The following ADAP2 variants were observed in gnomAD, a reference collection of about 807,000 sequenced individuals.
The protein encoded by ADAP2 is ArfGAP with dual PH domains 2.
Under a neutral mutation model 54.9 loss-of-function variants are expected in ADAP2, and 42 were observed. The observed-to-expected ratio is 0.77, with a 90% CI of 0.60 to 0.99. The LOEUF (loss-of-function observed/expected upper bound fraction) is 0.99. Ranked by LOEUF, ADAP2 falls within the 50% of genes least tolerant of loss-of-function variation. The pLI is 0.00. For synonymous variants in ADAP2, 177 were observed against 180.1 expected (o/e 0.98, Z 0.14); for missense variants, 429 against 480.4 (o/e 0.89, Z 1.00).
intron 8 of ADAP2, chr17:30,954,215 G>T: frequency 2.8e-6 from 1 of 352,234 alleles, no homozygotes; most frequent in Admixed American, 4.1e-5. Flanking sequence ...TGAAAAAGAG[G>T]AAGGTGCCTC....
At chr17:30,939,151 G>A (rs753991644) in intron 5 of ADAP2, among the ~76,000 whole-genome samples, 12 of 152,060 alleles carry the variant, frequency 7.9e-5, no homozygotes, top group African/African-American at 1.4e-4. Context: ...ACAAAAGGCC[G>A]GAAGAGAAAG....
chr17:30,929,787 C>A (rs895136594), intron 3 of ADAP2, among the ~76,000 whole-genome samples: 7 of 152,340 alleles, frequency 4.6e-5, no homozygotes, highest in African/African-American at 7.2e-5. Flanking sequence ...GCCCCAACCT[C>A]CTCGGCTCAA....
chr17:30,939,164 C>T (rs1233977623), intron 5 of ADAP2, among the ~76,000 whole-genome samples: 2 of 152,094 alleles, frequency 1.3e-5, no homozygotes, highest in African/African-American at 4.8e-5. Flanking sequence ...AGAGAAAGCG[C>T]TACTGCAGTT....
At chr17:30,956,801 C>G (rs535455613) in intron 10 of ADAP2, 1 of 290,154 alleles carries the variant, frequency 3.4e-6, no homozygotes, top group East Asian at 7.1e-5. Flanking sequence ...TATGCTGATC[C>G]TTTTTCTCGT....
intron 5 of ADAP2, among the ~76,000 whole-genome samples, chr17:30,939,415 T>A (rs1912098472): frequency 1.5e-5 from 2 of 132,730 alleles, no homozygotes; most frequent in African/African-American, 2.9e-5. Context: ...GGAAATGAAG[T>A]ATAAAGAAAG....
rs182570621 is a variant in ADAP2, at chr17:30,925,259, G to A, written c.226-1568G>A. 7.0e-3 allele frequency among the ~76,000 whole-genome samples: 1,002 copies of A among 142,210 alleles called. 9 individuals are homozygous for A. The highest frequency in any genetic ancestry group is 0.012 in the Non-Finnish European group (782 of 66,900). 93.3% of individuals were successfully genotyped at this position (142,210 alleles called of 152,430 possible). A position where few individuals can be genotyped will look rare whatever the true frequency, so the allele number is the denominator to read the frequency against. Reference sequence around the variant, plus strand: ...GGAGTGCAGTGAGTGGCACGATCTCGGCTCACTGCAACCTCCACCTCCTGG... The same window carrying A: ...GGAGTGCAGTGAGTGGCACGATCTCAGCTCACTGCAACCTCCACCTCCTGG... On this transcript the variant is annotated intron_variant, in intron 2 of 10. Coordinates refer to ENST00000330889, the MANE Select transcript of ADAP2 (RefSeq NM_018404.3).
Position 30,921,991 on chromosome 17 carries a change from C to G in ADAP2, c.-24C>G. ...GGAGCGCACGGGCCATGGGCTGAGC[C>G]CCGCTGAGCCCGCCGGGCCGGCCAT... On this transcript the variant is annotated 5_prime_UTR_variant, in exon 1 of 11. Transcript: ENST00000330889. 7.9e-7 allele frequency: 1 copy of G among 1,261,046 alleles called. No individual in the cohort carries two copies. 78.1% of individuals were successfully genotyped at this position (1,261,046 alleles called of 1,614,324 possible).
Position 30,956,231 on chromosome 17 carries a change from C to G in ADAP2, c.883-10C>G. The G allele has an allele frequency of 6.2e-7, 1 of 1,613,852 alleles. No individual in the cohort carries two copies. Among genetic ancestry groups the G allele is most frequent in the Middle Eastern group, 1.7e-4 (1 of 6,060 alleles). On this transcript the variant is annotated splice_polypyrimidine_tract_variant and intron_variant, in intron 9 of 10. Transcript: ENST00000330889. ...GCACCCTCTGATGACCCTGTACTCT[C>G]CATTTTCAGGATGCCTTCGAGCAGG...
At chr17:30,942,197 C>T (rs1027790288) in intron 5 of ADAP2, among the ~76,000 whole-genome samples, 4 of 152,158 alleles carry the variant, frequency 2.6e-5, no homozygotes, top group Non-Finnish European at 5.9e-5. Context: ...AGCCACAGTG[C>T]CCGGCCCAAA....
chr17:30,946,120 A>C (rs546422215), intron 6 of ADAP2, among the ~76,000 whole-genome samples: 2 of 151,872 alleles, frequency 1.3e-5, no homozygotes, highest in South Asian at 4.2e-4. Flanking sequence ...GCGCCACTGC[A>C]CTCCAGCCTG....
intron 7 of ADAP2, among the ~76,000 whole-genome samples, chr17:30,953,028 C>A (rs1391764417): frequency 6.6e-6 from 1 of 152,130 alleles, no homozygotes; most frequent in Non-Finnish European, 1.5e-5. Flanking sequence ...TTGCCTATGT[C>A]CACACCCTGG....
At position 30,934,267 on chromosome 17, in the gene ADAP2, A is replaced by G. The variant is rs1567717646; in HGVS notation, c.480A>G (p.Glu160=). ...GGAAGTTTGTACTTCTGGCAAGAGA[A>G]GGCCTCCTGAAGTACTTCACAAAGG... The part of the protein sequence containing the change: ...LRRKFVLLAR[E]GLLKYFTKEQ... The change falls in exon 5 of 11, where the codon GAA becomes GAG. Residue 160 remains glutamate, a synonymous_variant. Coordinates refer to ENST00000330889, the MANE Select transcript of ADAP2 (RefSeq NM_018404.3). The G allele has an allele frequency of 6.2e-7, 1 of 1,614,046 alleles. No individual in the cohort carries two copies. Among genetic ancestry groups the G allele is most frequent in the Admixed American group, 1.7e-5 (1 of 60,004 alleles).
In ADAP2 at chr17:30,922,068, G is replaced by C. The variant is rs2232270; in HGVS notation, c.54G>C (p.Pro18=). 2 of 1,270,802 alleles carry C rather than the reference G, an allele frequency of 1.6e-6. No homozygotes were observed. Among genetic ancestry groups the C allele is most frequent in the South Asian group, 2.9e-5 (1 of 34,882 alleles). The allele number at this position is 1,270,802 out of a possible 1,614,324, so 78.7% of individuals were successfully genotyped here. A position where few individuals can be genotyped will look rare whatever the true frequency, so the allele number is the denominator to read the frequency against. The change falls in exon 1 of 11, where the codon CCG becomes CCC. Residue 18 remains proline, a synonymous_variant. Transcript: ENST00000330889. ...KKRLLELLRA[P]DTGNAHCADC... ...GGCTGCTGGAGCTGCTGCGGGCGCCGGACACAGGCAACGCGCACTGCGCCG... is the reference window on the plus strand; with the variant it reads ...GGCTGCTGGAGCTGCTGCGGGCGCCCGACACAGGCAACGCGCACTGCGCCG...
At chr17:30,957,123 A>C (rs570298781) in intron 10 of ADAP2, among the ~76,000 whole-genome samples, 1 of 152,328 alleles carries the variant, frequency 6.6e-6, no homozygotes, top group Admixed American at 6.5e-5. Flanking sequence ...TGACCCCCGC[A>C]CAGCCCCTTG....
chr17:30,922,828 G>A, intron 1 of ADAP2, 112 bp from the exon 2 acceptor site: 1 of 1,280,552 alleles, frequency 7.8e-7, no homozygotes, highest in Non-Finnish European at 1.1e-6. Context: ...TGGCCGCTTA[G>A]TTCGCCTTAG....
rs12944063 is a variant in ADAP2 at position 30,922,121 on chromosome 17, C to A, written c.94+13C>A. ...TGCGGGGCGGCAGGTAAGGGCGCGG[C>A]GGCGCGGGCAGCGCGAGACCCCCGG... On this transcript the variant is annotated intron_variant, in intron 1 of 10. Coordinates refer to ENST00000330889, the MANE Select transcript of ADAP2 (RefSeq NM_018404.3). The A allele has an allele frequency of 6.5e-6, 8 of 1,236,088 alleles. No homozygotes were observed. In the African/African-American group the frequency reaches 7.8e-5, roughly 12 times the overall value. 76.6% of individuals were successfully genotyped at this position (1,236,088 alleles called of 1,614,324 possible).
chr17:30,941,123 G>C (rs896796357), intron 5 of ADAP2, among the ~76,000 whole-genome samples: 7 of 152,178 alleles, frequency 4.6e-5, no homozygotes, highest in Admixed American at 3.9e-4. Flanking sequence ...GTCTGCAACT[G>C]ATCTGGGTGC....
chr17:30,927,513 G>A (rs1911147900), intron 3 of ADAP2, among the ~76,000 whole-genome samples: 2 of 151,960 alleles, frequency 1.3e-5, no homozygotes, highest in African/African-American at 2.4e-5. Flanking sequence ...TACTTGGAAG[G>A]CTGAGGCAGG....
intron 7 of ADAP2, 116 bp from the exon 8 acceptor site, chr17:30,953,171 GC>G: frequency 2.4e-6 from 2 of 837,880 alleles, no homozygotes; most frequent in African/African-American, 3.4e-5. Flanking sequence ...AATACTGTGA[GC>G]CATGAGCGTA....
Sources: allele counts gnomAD v4.1 joint callset (sites outside exome capture counted in the v4.1 genomes callset), GRCh38; gene constraint gnomAD v4.1.1; transcripts MANE v1.5; gene names NCBI Gene and HGNC (gene_info 2026-07-23, HGNC 2026-07-21).